The following RBFOX1 variants were observed in gnomAD, a reference collection of about 807,000 sequenced individuals.
The protein encoded by RBFOX1 is RNA binding fox-1 homolog 1.
RBFOX1 carries 8 observed loss-of-function variants against 57.7 expected under a neutral mutation model. The ratio of observed to expected loss-of-function variants is 0.14; its 90% confidence interval spans 0.08 to 0.25. RBFOX1 has a LOEUF of 0.25. Among genes scored for constraint, RBFOX1 ranks in the 10% least tolerant of loss-of-function variants. The pLI is 1.00. For synonymous variants in RBFOX1, 326 were observed against 222.4 expected, an observed-to-expected ratio of 1.47 and a Z score of -4.15; for missense variants, 611 against 548.5, an observed-to-expected ratio of 1.11 and a Z score of -1.14.
chr16:7,595,744 T>C (rs2094650892), intron 8 of RBFOX1, 103 bp downstream of exon 8: 2 of 638,160 alleles, frequency 3.1e-6, no homozygotes, highest in African/African-American at 3.8e-5. Flanking sequence ...TGTGACCCTA[T>C]TCCCCCTCAT....
Position 7,224,880 on chromosome 16 carries a change from C to T in RBFOX1, c.27+172782C>T, listed in dbSNP as rs569209722. The stretch of plus-strand genomic sequence containing the variant: ...GATCAGAATGTGCACTTTACCACGA[C>T]TTCCAGGTGATTTCATGTACTTTGA... On this transcript the variant is annotated intron_variant, in intron 4 of 15. Coordinates refer to ENST00000550418, the MANE Select transcript of RBFOX1 (RefSeq NM_018723.4). 6.6e-5 allele frequency among the ~76,000 whole-genome samples: 10 copies of T among 152,270 alleles called. No homozygotes were observed. In the South Asian group the frequency reaches 2.1e-3, roughly 32 times the overall value.
intron 14 of RBFOX1, among the ~76,000 whole-genome samples, chr16:7,708,122 T>C (rs2083099846): frequency 6.6e-6 from 1 of 152,128 alleles, no homozygotes; most frequent in African/African-American, 2.4e-5. Context: ...GTAGACTACT[T>C]GAACCCTGGA....
At chr16:5,531,656 AT>A (rs60297613) in intron 2 of RBFOX1, among the ~76,000 whole-genome samples, 105,988 of 152,028 alleles carry the variant, frequency 0.7, 37,525 homozygotes, top group East Asian at 0.88. Flanking sequence ...AAGCATTGCC[AT>A]GAGGATTAAA....
chr16:6,774,543 T>C (rs1364183140), intron 3 of RBFOX1, among the ~76,000 whole-genome samples: 1 of 152,160 alleles, frequency 6.6e-6, no homozygotes, highest in Non-Finnish European at 1.5e-5. Context: ...GAATTATATT[T>C]AAGGGAAGAA....
intron 1 of RBFOX1, among the ~76,000 whole-genome samples, chr16:5,380,548 G>T (rs2066105489): frequency 6.6e-6 from 1 of 152,196 alleles, no homozygotes; most frequent in South Asian, 2.1e-4. Context: ...CTGCGAATAG[G>T]ACTTACCTTT....
chr16:5,966,771 C>A (rs1293907025), intron 4 of RBFOX1, among the ~76,000 whole-genome samples: 2 of 152,008 alleles, frequency 1.3e-5, no homozygotes, highest in Non-Finnish European at 1.5e-5. Context: ...CTCCACCAGC[C>A]CCCACCCTTG....
chr16:7,415,760 G>T (rs568559411), intron 4 of RBFOX1, among the ~76,000 whole-genome samples: 218 of 146,578 alleles, frequency 1.5e-3, no homozygotes, highest in African/African-American at 5.5e-3. Flanking sequence ...TAATTTTCCA[G>T]TGCAGGAAAG....
intron 4 of RBFOX1, among the ~76,000 whole-genome samples, chr16:5,992,608 T>A (rs1050420198): frequency 3.9e-5 from 6 of 152,130 alleles, no homozygotes; most frequent in African/African-American, 1.4e-4. Context: ...AGGAATCCGA[T>A]GAGAAACTAA....
intron 1 of RBFOX1, among the ~76,000 whole-genome samples, chr16:6,256,931 G>A (rs943923281): frequency 1.3e-5 from 2 of 152,034 alleles, no homozygotes; most frequent in African/African-American, 2.4e-5. Flanking sequence ...AGGTGGAGAA[G>A]TCCTAATAAT....
At chr16:6,114,223 A>T (rs1336699350) in intron 1 of RBFOX1, among the ~76,000 whole-genome samples, 1 of 152,152 alleles carries the variant, frequency 6.6e-6, no homozygotes, top group Non-Finnish European at 1.5e-5. Flanking sequence ...GATGAATATT[A>T]TTTCCATCTT....
intron 4 of RBFOX1, among the ~76,000 whole-genome samples, chr16:7,488,634 A>G (rs577919547): frequency 1.4e-4 from 21 of 152,218 alleles, no homozygotes; most frequent in Admixed American, 4.6e-4. Flanking sequence ...CTATTTACCT[A>G]TCACTCTATT....
rs138566009 is a variant in RBFOX1 at position 6,507,192 on chromosome 16, A to C, written c.-63-147411A>C. ...TGGCTTCCTAGCCAGACATCCCAAG[A>C]CCTAGTTTTACCTTCCTCCAATCCA... On this transcript the variant is annotated intron_variant, in intron 2 of 15. Transcript: ENST00000550418. Among the ~76,000 whole-genome samples, 126 of 152,184 alleles carry C rather than the reference A, an allele frequency of 8.3e-4. 1 individual carries two copies. In the East Asian group the frequency reaches 0.011, roughly 14 times the overall value.
At chr16:5,730,893 G>A (rs952385086) in intron 3 of RBFOX1, among the ~76,000 whole-genome samples, 51 of 151,192 alleles carry the variant, frequency 3.4e-4, no homozygotes, top group Admixed American at 1.3e-3. Context: ...CATTGCCACT[G>A]TCATCACCAT....
chr16:6,778,382 C>T (rs2079753142), intron 3 of RBFOX1, among the ~76,000 whole-genome samples: 1 of 152,060 alleles, frequency 6.6e-6, no homozygotes, highest in Admixed American at 6.6e-5. Context: ...AATCTATATC[C>T]CCACTTGTTT....
intron 2 of RBFOX1, chr16:5,598,817 G>A (rs1415449627): frequency 3.8e-6 from 4 of 1,047,296 alleles, no homozygotes; most frequent in Non-Finnish European, 5.4e-6. Context: ...TCTGGGTTGT[G>A]CTAAACTGGG....
chr16:7,706,521 T>C lies in RBFOX1; in HGVS notation c.996-2535T>C, dbSNP rs779948151. ...TTATTAAATACATTCAAATTGCCCATATAGTGTCTCCCCAGAAGAGGAAAT... is the reference window on the plus strand; with the variant it reads ...TTATTAAATACATTCAAATTGCCCACATAGTGTCTCCCCAGAAGAGGAAAT... On this transcript the variant is annotated intron_variant, in intron 14 of 15. Coordinates refer to ENST00000550418, the MANE Select transcript of RBFOX1 (RefSeq NM_018723.4). Among the ~76,000 whole-genome samples the C allele has an allele frequency of 1.0e-3, 155 of 152,186 alleles. 2 individuals carry two copies. Among genetic ancestry groups the C allele is most frequent in the Non-Finnish European group, 2.9e-4 (20 of 68,038 alleles).
At chr16:7,008,535 G>T (rs973905001) in intron 3 of RBFOX1, among the ~76,000 whole-genome samples, 1 of 151,466 alleles carries the variant, frequency 6.6e-6, no homozygotes, top group Non-Finnish European at 1.5e-5. Flanking sequence ...GCAAGACTTT[G>T]TCTCAAAAAA....
intron 1 of RBFOX1, among the ~76,000 whole-genome samples, chr16:6,233,233 T>C (rs1176309211): frequency 6.6e-6 from 1 of 152,172 alleles, no homozygotes. Context: ...GAGGCCCCTT[T>C]AGCTGCACTT....
intron 3 of RBFOX1, among the ~76,000 whole-genome samples, chr16:7,036,122 G>A (rs922078060): frequency 6.6e-6 from 1 of 152,120 alleles, no homozygotes; most frequent in Admixed American, 6.5e-5. Context: ...AAGACAGCCT[G>A]GGGATGTCCA....
Sources: gnomAD v4.1 joint callset for allele counts (sites outside exome capture counted in the v4.1 genomes callset) on GRCh38, gnomAD v4.1.1 for gene constraint, MANE v1.5 for transcripts, NCBI Gene and HGNC (gene_info 2026-07-23, HGNC 2026-07-21) for gene names.